Variants in DUSP8 observed in about 807,000 individuals in gnomAD.
DUSP8 encodes dual specificity phosphatase 8.
In DUSP8, 15 loss-of-function variants were observed where a neutral mutation model predicts 38.7. That is an observed-to-expected ratio of 0.39 (90% CI 0.26 to 0.60). The LOEUF is 0.60. Ranked by LOEUF, DUSP8 falls within the 20% of genes least tolerant of loss-of-function variation. The pLI, the probability that DUSP8 is intolerant of heterozygous loss-of-function variation, is 0.56. For synonymous variants in DUSP8, 458 were observed against 433.9 expected (o/e 1.06, Z -0.69); for missense variants, 768 against 915.0 (o/e 0.84, Z 2.07).
chr11:1,559,167 C>G, intron 3 of DUSP8, 112 bp from the exon 4 acceptor site: 1 of 1,062,732 alleles, frequency 9.4e-7, no homozygotes, highest in Non-Finnish European at 1.3e-6. Context: ...TCAGTCACAC[C>G]CAGCCCAGAC....
At chr11:1,563,744 G>T in intron 3 of DUSP8, 107 bp downstream of exon 3, 1 of 1,222,276 alleles carries the variant, frequency 8.2e-7, no homozygotes, top group Non-Finnish European at 1.1e-6. Flanking sequence ...ACAGATGTAT[G>T]GAGATCCCCC....
At chr11:1,559,191 C>G in intron 3 of DUSP8, 136 bp from the exon 4 acceptor site, 1 of 865,062 alleles carries the variant, frequency 1.2e-6, no homozygotes. Context: ...AGCCTGAGCC[C>G]AGCCGGCAAG....
chr11:1,559,133 G>A lies in DUSP8; in HGVS notation c.371-78C>T, dbSNP rs923978855. ...CCGCCTAGGGTGCCCTGTCCGCCTA[G>A]GGCACCCCATCTACTGCTGAGGATC... On this transcript the variant is annotated intron_variant, in intron 3 of 6. Transcript: ENST00000397374. The A allele has an allele frequency of 2.8e-6, 4 of 1,416,846 alleles. No homozygotes were observed. The Admixed American group carries it at 6.8e-5, about 24-fold the overall frequency. The allele number at this position is 1,416,846 out of a possible 1,614,324, so 87.8% of individuals were successfully genotyped here.
intron 1 of DUSP8, among the ~76,000 whole-genome samples, chr11:1,569,158 G>A (rs1848850718): frequency 6.6e-6 from 1 of 152,140 alleles, no homozygotes; most frequent in Non-Finnish European, 1.5e-5. Context: ...GTGCCTAGGG[G>A]TTGGGGGGTG....
At chr11:1,560,764 C>T (rs1357787434) in intron 3 of DUSP8, among the ~76,000 whole-genome samples, 1 of 152,212 alleles carries the variant, frequency 6.6e-6, no homozygotes, top group Admixed American at 6.5e-5. Flanking sequence ...GGAAGGGCTG[C>T]ACCACTTCTC....
intron 3 of DUSP8, among the ~76,000 whole-genome samples, chr11:1,559,790 G>GC (rs1848690319): frequency 6.6e-6 from 1 of 152,210 alleles, no homozygotes; most frequent in Non-Finnish European, 1.5e-5. Context: ...GTGTGCTGCT[G>GC]CCTTCCACAC....
At position 1,554,987 on chromosome 11, in the gene DUSP8, G is replaced by A. The variant is rs1564930551; in HGVS notation, c.*1531C>T. The A allele has an allele frequency of 2.0e-6, 2 of 986,230 alleles. No individual in the cohort carries two copies. The highest frequency in any genetic ancestry group is 2.4e-6 in the Non-Finnish European group (2 of 830,266). The allele number at this position is 986,230 out of a possible 1,614,324, so 61.1% of individuals were successfully genotyped here. ...AAAAGAAGAACAAATAGAAGAAACA[G>A]CAGAGAGGGCGGCTGGCTGGGGCGG... On this transcript the variant is annotated 3_prime_UTR_variant, in exon 7 of 7. Coordinates refer to ENST00000397374, the MANE Select transcript of DUSP8 (RefSeq NM_004420.3).
Position 1,555,468 on chromosome 11 carries a change from C to T in DUSP8, c.*1050G>A, listed in dbSNP as rs1371928276. The T allele has an allele frequency of 1.2e-5, 12 of 982,322 alleles. No individual in the cohort carries two copies. Among genetic ancestry groups the T allele is most frequent in the Non-Finnish European group, 1.5e-5 (12 of 827,058 alleles). The allele number at this position is 982,322 out of a possible 1,614,324, so 60.9% of individuals were successfully genotyped here. A position where few individuals can be genotyped will look rare whatever the true frequency, so the allele number is the denominator to read the frequency against. On this transcript the variant is annotated 3_prime_UTR_variant, in exon 7 of 7. Transcript: ENST00000397374. ...CAGGTGCACACCTGAATTCCAAGTT[C>T]TGCCTGGGGCATGGCTGGGAGGGGG...
chr11:1,559,088 G>A, intron 3 of DUSP8, 33 bp from the exon 4 acceptor site: 1 of 1,598,462 alleles, frequency 6.3e-7, no homozygotes, highest in East Asian at 2.3e-5. Flanking sequence ...TGGGTTGAGA[G>A]AACACCTAGG....
intron 1 of DUSP8, among the ~76,000 whole-genome samples, chr11:1,570,277 A>G (rs1321080668): frequency 6.6e-6 from 1 of 152,152 alleles, no homozygotes; most frequent in Non-Finnish European, 1.5e-5. Context: ...AAACATCAGG[A>G]CCAGTGTGGC....
At chr11:1,569,043 T>C (rs1312250782) in intron 1 of DUSP8, among the ~76,000 whole-genome samples, 2 of 152,184 alleles carry the variant, frequency 1.3e-5, no homozygotes, top group Non-Finnish European at 2.9e-5. Flanking sequence ...GCACTGGCCA[T>C]GTGGGAACAG....
At chr11:1,572,434 G>GC (rs989740212), upstream of DUSP8, among the ~76,000 whole-genome samples, 4 of 150,120 alleles carry the variant, frequency 2.7e-5, no homozygotes, top group South Asian at 6.3e-4. This position sits in a 1 kb window ranked among gnomAD's most constrained non-coding sequence, Gnocchi z 4.7. Flanking sequence ...TGCCGCGGGG[G>GC]GGGGGCGGGG....
At chr11:1,560,289 G>T (rs902878620) in intron 3 of DUSP8, among the ~76,000 whole-genome samples, 1 of 152,102 alleles carries the variant, frequency 6.6e-6, no homozygotes, top group African/African-American at 2.4e-5. Flanking sequence ...TTTTTGTCCT[G>T]GTTTGCAGAA....
At position 1,557,271 on chromosome 11, in the gene DUSP8, G is replaced by A. The variant is rs1161914083; in HGVS notation, c.1125C>T (p.Arg375=). ...GGCGGTCCGAGGAGAGGTGCAGGCC[G>A]CGCAGGCCCTGCTGCAGTGCGCTGG... ...PATSALQQGL[R]GLHLSSDRLQ... The change falls in exon 7 of 7, where the codon CGC becomes CGT. Residue 375 remains arginine, a synonymous_variant. Transcript: ENST00000397374. The surrounding 1 kb of genome is among the most constrained non-coding windows in gnomAD (Gnocchi z 9.9). 35 of 1,486,412 alleles carry A rather than the reference G, an allele frequency of 2.4e-5. No homozygotes were observed. The East Asian group carries it at 1.0e-3, about 43-fold the overall frequency. 92.1% of individuals were successfully genotyped at this position (1,486,412 alleles called of 1,614,324 possible).
chr11:1,561,971 C>A (rs1298135461), intron 3 of DUSP8, among the ~76,000 whole-genome samples: 1 of 152,248 alleles, frequency 6.6e-6, no homozygotes, highest in East Asian at 1.9e-4. Flanking sequence ...GGGCCTGGGA[C>A]TCCTTGGCAG....
rs116145978 is a variant in DUSP8, at chr11:1,559,198, C to T, written c.371-143G>A. 9.5e-4 allele frequency: 768 copies of T among 808,058 alleles called. 3 individuals are homozygous for T. In the African/African-American group the frequency reaches 0.011, roughly 12 times the overall value. 50.1% of individuals were successfully genotyped at this position (808,058 alleles called of 1,614,324 possible). ...CAGACCCGAGCCTGAGCCCAGCCGG[C>T]AAGCCTCTGGCGGAGCACCTGCTCT... On this transcript the variant is annotated intron_variant, in intron 3 of 6. Coordinates refer to ENST00000397374, the MANE Select transcript of DUSP8 (RefSeq NM_004420.3).
At chr11:1,560,286 C>T (rs1336375245) in intron 3 of DUSP8, among the ~76,000 whole-genome samples, 1 of 152,050 alleles carries the variant, frequency 6.6e-6, no homozygotes, top group African/African-American at 2.4e-5. Flanking sequence ...TCTTTTTTGT[C>T]CTGGTTTGCA....
rs1234572098 is a variant in DUSP8, at chr11:1,556,954, CG to C, written c.1441del (p.Arg481GlyfsTer183). Reference protein sequence around the residue: ...SLGLNFGDAARQTPRHGLSAL... With the variant: ...SLGLNFGDAAXQTPRHGLSAL... Reference sequence around the variant, plus strand: ...CGAGAGGCCGTGCCGCGGAGTCTGCCGGGCCGCATCGCCGAAGTTCAGGCCG... The same window carrying C: ...CGAGAGGCCGTGCCGCGGAGTCTGCCGGCCGCATCGCCGAAGTTCAGGCCG... On this transcript the variant is annotated frameshift_variant, in exon 7 of 7. Coordinates refer to ENST00000397374, the MANE Select transcript of DUSP8 (RefSeq NM_004420.3). LOFTEE classifies it high-confidence loss of function. This position sits in a 1 kb window ranked among gnomAD's most constrained non-coding sequence, Gnocchi z 5.2. 1.9e-6 allele frequency: 2 copies of C among 1,066,318 alleles called. No individual in the cohort carries two copies. Among genetic ancestry groups the C allele is most frequent in the South Asian group, 3.5e-5 (1 of 28,658 alleles). 66.1% of individuals were successfully genotyped at this position (1,066,318 alleles called of 1,614,324 possible).
At position 1,557,436 on chromosome 11, in the gene DUSP8, C is replaced by A. The variant is rs781652418; in HGVS notation, c.960G>T (p.Pro320=). Residue 320 remains proline (P), a synonymous_variant, in exon 7 of 7, where the codon CCG becomes CCT. Coordinates refer to ENST00000397374, the MANE Select transcript of DUSP8 (RefSeq NM_004420.3). This position sits in a 1 kb window ranked among gnomAD's most constrained non-coding sequence, Gnocchi z 9.9. ...GCGGGGCCCCGGCGGCAGGACTGGG[C>A]GGAGGCTCCGGCGTCCCTGAGGGGG... is the stretch of plus-strand genomic sequence containing the variant. The part of the protein sequence containing the change: ...PGTPSGTPEP[P]PSPAAGAPLP... The A allele has an allele frequency of 2.3e-5, 36 of 1,563,118 alleles. 1 individual carries two copies. The South Asian group carries it at 3.7e-4, about 16-fold the overall frequency.
Sources: gnomAD v4.1 joint callset for allele counts (sites outside exome capture counted in the v4.1 genomes callset) on GRCh38, gnomAD v4.1.1 for gene constraint, Gnocchi (gnomAD v3.1) non-coding constraint, MANE v1.5 for transcripts, NCBI Gene and HGNC (gene_info 2026-07-23, HGNC 2026-07-21) for gene names.